The following C4orf50 variants were observed in gnomAD, a reference collection of about 807,000 sequenced individuals.
The protein encoded by C4orf50 is uncharacterized protein C4orf50.
C4orf50 carries 80 observed loss-of-function variants against 77.2 expected under a neutral mutation model. The ratio of observed to expected loss-of-function variants is 1.04; its 90% CI spans 0.87 to 1.25. The LOEUF is 1.25. Among genes scored for constraint, C4orf50 ranks in the 50% most tolerant of loss-of-function variants. C4orf50 has a pLI of 0.00. For synonymous variants in C4orf50, 532 were observed against 465.3 expected, an observed-to-expected ratio of 1.14 and a Z score of -1.84; for missense variants, 1,257 against 1,152.9, an observed-to-expected ratio of 1.09 and a Z score of -1.31.
intron 33 of C4orf50, 59 bp from the exon 12 acceptor site, chr4:5,959,685 C>A (rs1005796978): frequency 8.4e-6 from 13 of 1,544,966 alleles, no homozygotes; most frequent in Middle Eastern, 1.8e-4. Flanking sequence ...AAAGCCCCTC[C>A]ATTCACACAT....
chr4:5,974,675 C>G (rs1720151167), intron 30 of C4orf50, among the ~76,000 whole-genome samples: 1 of 152,188 alleles, frequency 6.6e-6, no homozygotes, highest in African/African-American at 2.4e-5. Context: ...GCAGAGCCCC[C>G]AGCTTCTCCT....
chr4:5,912,386 T>C (rs1251107781), intron 7 of C4orf50, among the ~76,000 whole-genome samples: 1 of 151,916 alleles, frequency 6.6e-6, no homozygotes, highest in African/African-American at 2.4e-5. Context: ...TAGGAAAAAA[T>C]TGGAATGAGG....
intron 7 of C4orf50, chr4:5,898,955 G>A (rs573028449): frequency 1.3e-5 from 2 of 152,320 alleles, no homozygotes; most frequent in South Asian, 2.1e-4. Flanking sequence ...TTGTATAGGA[G>A]CTGTGCTTTC....
chr4:5,939,096 A>T (rs1718157387), intron 7 of C4orf50, among the ~76,000 whole-genome samples: 1 of 152,270 alleles, frequency 6.6e-6, no homozygotes, highest in East Asian at 1.9e-4. Context: ...ACAAAAAATT[A>T]GCTGGGTGTT....
intron 25 of C4orf50, among the ~76,000 whole-genome samples, chr4:6,004,227 T>A (rs1560598818): frequency 4.8e-5 from 1 of 20,752 alleles, no homozygotes; most frequent in Admixed American, 5.0e-4. Flanking sequence ...GGTGATGATG[T>A]GATGGTGATG....
intron 32 of C4orf50, 60 bp downstream of exon 10, chr4:5,967,354 C>T: frequency 7.2e-7 from 1 of 1,387,814 alleles, no homozygotes; most frequent in Non-Finnish European, 1.0e-6. Flanking sequence ...CTCACAGCGT[C>T]CTGCCGGCCT....
chr4:6,010,335 T>G (rs1722443742), intron 24 of C4orf50, among the ~76,000 whole-genome samples: 1 of 152,174 alleles, frequency 6.6e-6, no homozygotes, highest in Non-Finnish European at 1.5e-5. Context: ...AAAATTCCAC[T>G]AGGATATCTC....
At chr4:6,003,529 GTGGTGA>G (rs1416360645) in intron 25 of C4orf50, among the ~76,000 whole-genome samples, 55 of 152,036 alleles carry the variant, frequency 3.6e-4, no homozygotes, top group African/African-American at 1.3e-3. Flanking sequence ...TGATGATGTG[GTGGTGA>G]TGGTGATGGT....
chr4:5,910,666 C>A (rs985867248), intron 7 of C4orf50, among the ~76,000 whole-genome samples: 22 of 152,288 alleles, frequency 1.4e-4, no homozygotes, highest in African/African-American at 4.1e-4. Context: ...CAACCAATAA[C>A]CTCTCTACCT....
chr4:5,946,237 C>A (rs748991465), intron 7 of C4orf50, among the ~76,000 whole-genome samples: 9 of 152,158 alleles, frequency 5.9e-5, no homozygotes, highest in Non-Finnish European at 5.9e-5. Context: ...GCAGAAGGAG[C>A]TCCCAGGGTG....
At chr4:5,902,344 G>C (rs1034171261) in intron 7 of C4orf50, 6 of 152,352 alleles carry the variant, frequency 3.9e-5, no homozygotes, top group Admixed American at 1.3e-4. Flanking sequence ...CAATGGAAGA[G>C]TTTGCAGATC....
At chr4:5,980,120 C>T in intron 29 of C4orf50, 54 bp downstream of exon 7, 1 of 1,490,004 alleles carries the variant, frequency 6.7e-7, no homozygotes, top group South Asian at 1.3e-5. Context: ...CCCAAAACGC[C>T]CCGGGGTGTG....
chr4:5,993,455 T>C (rs1721405069), intron 26 of C4orf50, among the ~76,000 whole-genome samples: 1 of 152,186 alleles, frequency 6.6e-6, no homozygotes, highest in African/African-American at 2.4e-5. Context: ...AGATGCCCAG[T>C]TGGCCGCCGT....
intron 28 of C4orf50, 139 bp from the exon 7 acceptor site, chr4:5,980,477 A>G: frequency 1.4e-6 from 1 of 725,300 alleles, no homozygotes; most frequent in Non-Finnish European, 2.3e-6. Context: ...TTTCTCTTAC[A>G]GTAAGTTTTA....
Position 5,990,838 on chromosome 4 carries a change from G to C in C4orf50, c.1222-14C>G, listed in dbSNP as rs557437411. ...TGCCAGAGTAAGCTACAAATGGAGAGAGAAGATGAGGTGTGAAACAGCCCC... is the reference window on the plus strand; with the variant it reads ...TGCCAGAGTAAGCTACAAATGGAGACAGAAGATGAGGTGTGAAACAGCCCC... On this transcript the variant is annotated splice_polypyrimidine_tract_variant and intron_variant, in intron 27 of 33. Transcript: ENST00000531445. The C allele has an allele frequency of 2.5e-6, 1 of 399,110 alleles. No individual in the cohort carries two copies. The highest frequency in any genetic ancestry group is 1.3e-4 in the South Asian group (1 of 7,822). 24.7% of individuals were successfully genotyped at this position (399,110 alleles called of 1,614,324 possible). A position where few individuals can be genotyped will look rare whatever the true frequency, so the allele number is the denominator to read the frequency against.
At chr4:5,982,006 G>T (rs1391385222) in intron 28 of C4orf50, among the ~76,000 whole-genome samples, 1 of 152,206 alleles carries the variant, frequency 6.6e-6, no homozygotes, top group East Asian at 1.9e-4. Flanking sequence ...TGACTCCAGG[G>T]CTGCTGGGGC....
rs1165381421 is a variant in C4orf50, at chr4:6,008,224, C to A, written c.735G>T (p.Ala245=). The A allele has an allele frequency of 2.5e-6, 1 of 396,740 alleles. No homozygotes were observed. The highest frequency in any genetic ancestry group is 3.6e-5 in the East Asian group (1 of 28,000). The allele number at this position is 396,740 out of a possible 1,614,324, so 24.6% of individuals were successfully genotyped here. A position where few individuals can be genotyped will look rare whatever the true frequency, so the allele number is the denominator to read the frequency against. ...GCTCGCGCTCGCTGCGCTCTGCCCT[C>A]GCCTGCAGGGCGCGCAGTTCCGCAG... Residue 245 remains alanine, a synonymous_variant, in exon 25 of 34, where the codon GCG becomes GCT. Coordinates refer to ENST00000531445, the Ensembl canonical transcript of C4orf50. This position sits in a 1 kb window ranked among gnomAD's most constrained non-coding sequence, Gnocchi z 6.0.
rs1722720606 is a variant in C4orf50 at position 6,017,397 on chromosome 4, C to G, written c.287+748G>C. On this transcript the variant is annotated intron_variant, in intron 23 of 33. Transcript: ENST00000531445. This position sits in a 1 kb window ranked among gnomAD's most constrained non-coding sequence, Gnocchi z 4.7. The stretch of plus-strand genomic sequence containing the variant: ...GTTACAGCCACAGTGGGAGATGTCA[C>G]TGTGGGAACAAGAGTGACTTTATTT... Among the ~76,000 whole-genome samples the G allele has an allele frequency of 6.6e-6, 1 of 152,230 alleles. No homozygotes were observed. Among genetic ancestry groups the G allele is most frequent in the African/African-American group, 2.4e-5 (1 of 41,460 alleles).
At chr4:6,010,125 C>T (rs1240457343) in intron 24 of C4orf50, among the ~76,000 whole-genome samples, 1 of 152,160 alleles carries the variant, frequency 6.6e-6, no homozygotes, top group Non-Finnish European at 1.5e-5. Flanking sequence ...CCTCGGAAAT[C>T]CTACATTCAC....
Sources: gnomAD v4.1 joint callset for allele counts (sites outside exome capture counted in the v4.1 genomes callset) on GRCh38, gnomAD v4.1.1 for gene constraint, Gnocchi (gnomAD v3.1) non-coding constraint, MANE v1.5 for transcripts, NCBI Gene and HGNC (gene_info 2026-07-23, HGNC 2026-07-21) for gene names.